Variants in PEX2 observed in about 807,000 individuals in gnomAD.
PEX2 encodes peroxisomal biogenesis factor 2.
A neutral mutation model predicts 25.2 loss-of-function variants in PEX2; 19 were observed. The observed-to-expected ratio is 0.75, with a 90% CI of 0.53 to 1.10. The LOEUF (loss-of-function observed/expected upper bound fraction) is 1.10, where lower values mean the gene tolerates loss of function less well. PEX2 is among the 50% of genes least tolerant of loss of function. PEX2 has a pLI of 0.00. For synonymous variants in PEX2, 141 were observed against 127.7 expected (o/e 1.10, Z -0.70); for missense variants, 347 against 350.6 (o/e 0.99, Z 0.08).
rs1806806401 is a variant in PEX2, at chr8:76,981,026, G to T, written c.*2235C>A. ...ATCTGAGCACCTACATCCAGACTGG[G>T]CCTGCAGTGTGCAGCTGGACTCTTC... On this transcript the variant is annotated 3_prime_UTR_variant, in exon 4 of 4. Transcript: ENST00000357039. 6.6e-6 allele frequency: 1 copy of T among 152,202 alleles called. No homozygotes were observed. Among genetic ancestry groups the T allele is most frequent in the African/African-American group, 2.4e-5 (1 of 41,438 alleles). The allele number at this position is 152,202 out of a possible 1,614,324, so 9.4% of individuals were successfully genotyped here.
At position 76,984,089 on chromosome 8, in the gene PEX2, C is replaced by T. The variant is rs777639216; in HGVS notation, c.90G>A (p.Glu30=). 3 of 1,612,808 alleles carry T rather than the reference C, an allele frequency of 1.9e-6. No homozygotes were observed. The South Asian group carries it at 3.3e-5, about 18-fold the overall frequency. The change falls in exon 4 of 4, where the codon GAG becomes GAA. Residue 30 remains glutamate (E), a synonymous_variant. Coordinates refer to ENST00000357039, the MANE Select transcript of PEX2 (RefSeq NM_000318.3). Reference sequence around the variant, plus strand: ...GAGTAAACTGGGACCAAACTAGCTGCTCCAGGGCCTTGTTTAGTTCAAGTG... The same window carrying T: ...GAGTAAACTGGGACCAAACTAGCTGTTCCAGGGCCTTGTTTAGTTCAAGTG... The part of the protein sequence containing the change: ...LDALELNKAL[E]QLVWSQFTQC...
At chr8:76,992,627 C>A (rs569550376) in intron 1 of PEX2, among the ~76,000 whole-genome samples, 1 of 152,136 alleles carries the variant, frequency 6.6e-6, no homozygotes, top group Non-Finnish European at 1.5e-5. Flanking sequence ...ATGCCATAAA[C>A]GACTTTATAT....
intron 1 of PEX2, among the ~76,000 whole-genome samples, chr8:76,990,871 G>A (rs920300061): frequency 6.6e-6 from 1 of 151,880 alleles, no homozygotes; most frequent in African/African-American, 2.4e-5. Flanking sequence ...ACACCAAGTT[G>A]AGTAAATGCT....
chr8:76,984,996 G>T (rs1018878492), intron 3 of PEX2, among the ~76,000 whole-genome samples: 1 of 151,950 alleles, frequency 6.6e-6, no homozygotes, highest in Non-Finnish European at 1.5e-5. Context: ...AAATTTAAAT[G>T]AAATATAAGA....
At chr8:76,999,213 T>C (rs917731869) in intron 1 of PEX2, among the ~76,000 whole-genome samples, 1 of 152,200 alleles carries the variant, frequency 6.6e-6, no homozygotes. Flanking sequence ...TATCATTTAA[T>C]TGTCCGAAAC....
At chr8:76,999,879 C>T (rs771015893) in intron 1 of PEX2, 111 bp downstream of exon 1, 1 of 456,032 alleles carries the variant, frequency 2.2e-6, no homozygotes, top group Non-Finnish European at 4.4e-6. Flanking sequence ...AGCCAATAAA[C>T]AGGGAAAAAA....
chr8:76,991,843 C>T (rs550209419), intron 1 of PEX2, among the ~76,000 whole-genome samples: 8 of 152,204 alleles, frequency 5.3e-5, no homozygotes, highest in Non-Finnish European at 7.4e-5. Context: ...GATAATGTTA[C>T]GAAAGTGGTT....
intron 1 of PEX2, among the ~76,000 whole-genome samples, chr8:76,988,584 G>A (rs1807070535): frequency 6.6e-6 from 1 of 152,162 alleles, no homozygotes; most frequent in Non-Finnish European, 1.5e-5. Context: ...GTTGATGCCT[G>A]CTGACTGATC....
At chr8:76,993,996 T>C (rs549781914) in intron 1 of PEX2, among the ~76,000 whole-genome samples, 13 of 152,102 alleles carry the variant, frequency 8.5e-5, no homozygotes, top group African/African-American at 2.2e-4. Flanking sequence ...ATAAAAAGTA[T>C]AGCATCTACT....
chr8:76,988,739 C>G (rs1389733842), intron 1 of PEX2, among the ~76,000 whole-genome samples: 1 of 152,180 alleles, frequency 6.6e-6, no homozygotes, highest in Non-Finnish European at 1.5e-5. Flanking sequence ...CAAGAGTAAA[C>G]CTTCTTTCAA....
chr8:76,999,050 T>C (rs1264376039), intron 1 of PEX2, among the ~76,000 whole-genome samples: 2 of 152,096 alleles, frequency 1.3e-5, no homozygotes, highest in East Asian at 1.9e-4. Flanking sequence ...ATCACTCAAC[T>C]GTAATCTTTC....
At chr8:76,990,155 A>C (rs117937089) in intron 1 of PEX2, among the ~76,000 whole-genome samples, 4,140 of 152,270 alleles carry the variant, frequency 0.027, 78 homozygotes, top group Middle Eastern at 0.055. Flanking sequence ...TCACGAACCA[A>C]CCTCTGCTAG....
intron 1 of PEX2, among the ~76,000 whole-genome samples, chr8:76,996,245 T>C (rs1169568636): frequency 2.0e-5 from 3 of 152,204 alleles, no homozygotes; most frequent in Non-Finnish European, 4.4e-5. Flanking sequence ...AATTTAAATA[T>C]TAAATCATTT....
At chr8:76,998,882 A>G (rs1322304553) in intron 1 of PEX2, among the ~76,000 whole-genome samples, 2 of 152,224 alleles carry the variant, frequency 1.3e-5, no homozygotes, top group Non-Finnish European at 2.9e-5. Flanking sequence ...TCAGGACTAG[A>G]ATCCAACTGT....
In PEX2 at chr8:76,999,993, A is replaced by G. The variant is rs1023287100; in HGVS notation, c.-163T>C. The G allele has an allele frequency of 1.3e-5, 6 of 456,142 alleles. No homozygotes were observed. The highest frequency in any genetic ancestry group is 1.2e-4 in the African/African-American group (6 of 50,042). 28.3% of individuals were successfully genotyped at this position (456,142 alleles called of 1,614,324 possible). On this transcript the variant is annotated 5_prime_UTR_variant, in exon 1 of 4. Coordinates refer to ENST00000357039, the MANE Select transcript of PEX2 (RefSeq NM_000318.3). ...GCTCTCTAGGGCAGACACTGACCTT[A>G]GGAGTCTGCGAAACGCCCACGCTCC...
chr8:76,985,616 G>T, intron 3 of PEX2, among the ~76,000 whole-genome samples: 1 of 151,978 alleles, frequency 6.6e-6, no homozygotes, highest in Non-Finnish European at 1.5e-5. Context: ...CTCCAATAAA[G>T]CTAGGGGAAA....
chr8:76,984,834 T>C (rs1324319549), intron 3 of PEX2, among the ~76,000 whole-genome samples: 1 of 152,122 alleles, frequency 6.6e-6, no homozygotes, highest in Non-Finnish European at 1.5e-5. Flanking sequence ...TACTAAATCT[T>C]AGTATGAAGG....
rs747376744 is a variant in PEX2 at position 76,981,957 on chromosome 8, T to A, written c.*1304A>T. On this transcript the variant is annotated 3_prime_UTR_variant, in exon 4 of 4. Coordinates refer to ENST00000357039, the MANE Select transcript of PEX2 (RefSeq NM_000318.3). The stretch of plus-strand genomic sequence containing the variant: ...GTAAACTCCATGAAGGTAACTTGAT[T>A]TTTCCTGCTTAATATACTGTTGTGC... The A allele has an allele frequency of 2.0e-5, 3 of 152,176 alleles. No homozygotes were observed. Among genetic ancestry groups the A allele is most frequent in the South Asian group, 2.1e-4 (1 of 4,834 alleles). The allele number at this position is 152,176 out of a possible 1,614,324, so 9.4% of individuals were successfully genotyped here.
chr8:77,000,078 T>C lies in PEX2; in HGVS notation c.-248A>G, dbSNP rs1807459107. 2 of 400,232 alleles carry C rather than the reference T, an allele frequency of 5.0e-6. 1 individual carries two copies. The highest frequency in any genetic ancestry group is 3.5e-5 in the South Asian group (2 of 56,714). The allele number at this position is 400,232 out of a possible 1,614,324, so 24.8% of individuals were successfully genotyped here. The stretch of plus-strand genomic sequence containing the variant: ...TGTCTTTTCCTAGCCGAATCTGGAT[T>C]ACCAAGGCTTCCGGAACTCGCAGGC... On this transcript the variant is annotated 5_prime_UTR_variant, in exon 1 of 4. Transcript: ENST00000357039.
Sources: allele counts gnomAD v4.1 joint callset (sites outside exome capture counted in the v4.1 genomes callset), GRCh38; gene constraint gnomAD v4.1.1; transcripts MANE v1.5; gene names NCBI Gene and HGNC (gene_info 2026-07-23, HGNC 2026-07-21).